Variants in MACROD2 observed in about 807,000 individuals in gnomAD.
MACROD2 encodes mono-ADP ribosylhydrolase 2.
In MACROD2, 36 loss-of-function variants were observed where a neutral mutation model predicts 70.4. The ratio of observed to expected loss-of-function variants is 0.51; its 90% CI spans 0.39 to 0.68. The LOEUF (loss-of-function observed/expected upper bound fraction) is 0.68, where lower values mean the gene tolerates loss of function less well. Among genes scored for constraint, MACROD2 ranks in the 30% least tolerant of loss-of-function variants. MACROD2 has a pLI of 0.00. For missense variants in MACROD2, 496 were observed against 538.4 expected (o/e 0.92, Z 0.78); for synonymous variants, 172 against 178.8 (o/e 0.96, Z 0.30).
intron 8 of MACROD2, among the ~76,000 whole-genome samples, chr20:15,859,170 C>A (rs1413533581): frequency 1.3e-5 from 2 of 151,912 alleles, no homozygotes; most frequent in Non-Finnish European, 2.9e-5. Context: ...AGTGGATCAT[C>A]ATAAAGGTCT....
At chr20:15,629,551 TAATC>T (rs1568939344) in intron 8 of MACROD2, among the ~76,000 whole-genome samples, 1 of 152,240 alleles carries the variant, frequency 6.6e-6, no homozygotes, top group African/African-American at 2.4e-5. Flanking sequence ...TCCTGATATT[TAATC>T]AGTGCTCTTT....
At chr20:14,045,151 C>T (rs993173134) in intron 2 of MACROD2, among the ~76,000 whole-genome samples, 1 of 152,242 alleles carries the variant, frequency 6.6e-6, no homozygotes, top group Non-Finnish European at 1.5e-5. Context: ...CCCCGGTTCC[C>T]GCCTGCGCCT....
intron 6 of MACROD2, among the ~76,000 whole-genome samples, chr20:15,371,392 C>T (rs1568756407): frequency 6.6e-6 from 1 of 152,068 alleles, no homozygotes; most frequent in Non-Finnish European, 1.5e-5. Flanking sequence ...CTGCTTTATC[C>T]AGAATAAGTT....
intron 15 of MACROD2, among the ~76,000 whole-genome samples, chr20:15,993,371 C>A (rs1171101156): frequency 6.6e-6 from 1 of 151,128 alleles, no homozygotes; most frequent in East Asian, 1.9e-4. Flanking sequence ...TTTACTGTAC[C>A]TTTTCTATGT....
chr20:15,409,743 G>A (rs905858942), intron 6 of MACROD2, among the ~76,000 whole-genome samples: 1 of 152,200 alleles, frequency 6.6e-6, no homozygotes, highest in African/African-American at 2.4e-5. Flanking sequence ...TGGACTGCAT[G>A]AGCACATCTA....
At chr20:14,098,798 C>T (rs1027383168) in intron 3 of MACROD2, among the ~76,000 whole-genome samples, 1 of 152,158 alleles carries the variant, frequency 6.6e-6, no homozygotes, top group Non-Finnish European at 1.5e-5. Flanking sequence ...GAAATTTCAT[C>T]TCTACTAGCA....
chr20:14,050,509 T>G (rs969538319), intron 2 of MACROD2, among the ~76,000 whole-genome samples: 3 of 152,088 alleles, frequency 2.0e-5, no homozygotes, highest in Admixed American at 2.0e-4. Context: ...CGGACAGACG[T>G]GTAGATCTAT....
chr20:14,472,870 G>T (rs185951558), intron 3 of MACROD2, among the ~76,000 whole-genome samples: 1 of 152,238 alleles, frequency 6.6e-6, no homozygotes, highest in East Asian at 1.9e-4. Flanking sequence ...TTTTGTGTAT[G>T]TGTGTATGTA....
chr20:14,928,864 T>C (rs921755115), intron 5 of MACROD2, among the ~76,000 whole-genome samples: 2 of 152,216 alleles, frequency 1.3e-5, no homozygotes, highest in Non-Finnish European at 2.9e-5. Context: ...TTTTTATGGC[T>C]AAAAGTACTT....
intron 5 of MACROD2, among the ~76,000 whole-genome samples, chr20:14,950,799 G>C (rs1220965052): frequency 6.6e-6 from 1 of 152,128 alleles, no homozygotes; most frequent in Admixed American, 6.6e-5. Flanking sequence ...TTGTTTTAGG[G>C]AGAATGTTTT....
rs76519563 is a variant in MACROD2 at position 14,863,256 on chromosome 20, C to T, written c.418+178297C>T. Among the ~76,000 whole-genome samples the T allele has an allele frequency of 2.6e-3, 396 of 152,188 alleles. 3 individuals are homozygous for T. Among genetic ancestry groups the T allele is most frequent in the African/African-American group, 8.9e-3 (370 of 41,544 alleles). On this transcript the variant is annotated intron_variant, in intron 5 of 17. Coordinates refer to ENST00000684519, the MANE Select transcript of MACROD2 (RefSeq NM_001351661.2). ...TTGCCAATGCACATATCTGTGGGCT[C>T]ATTGCACAGGCAGCGCTTATATCTA... is the stretch of plus-strand genomic sequence containing the variant.
At chr20:15,692,543 C>T (rs1024580772) in intron 8 of MACROD2, among the ~76,000 whole-genome samples, 1 of 152,104 alleles carries the variant, frequency 6.6e-6, no homozygotes, top group African/African-American at 2.4e-5. Flanking sequence ...GCAGAGGTCC[C>T]AAATGCAGTT....
rs111677439 is a variant in MACROD2 at position 14,583,697 on chromosome 20, G to A, written c.301+90189G>A. 2.1e-3 allele frequency among the ~76,000 whole-genome samples: 318 copies of A among 152,212 alleles called. 1 individual carries two copies. Among genetic ancestry groups the A allele is most frequent in the African/African-American group, 7.3e-3 (303 of 41,526 alleles). On this transcript the variant is annotated intron_variant, in intron 4 of 17. Coordinates refer to ENST00000684519, the MANE Select transcript of MACROD2 (RefSeq NM_001351661.2). Reference sequence around the variant, plus strand: ...ATCTACCTTAGAAGGTTGTTGAAAGGATTAGATATAATTTATATAATGCAT... The same window carrying A: ...ATCTACCTTAGAAGGTTGTTGAAAGAATTAGATATAATTTATATAATGCAT...
chr20:14,472,421 T>A (rs1037230777), intron 3 of MACROD2, among the ~76,000 whole-genome samples: 1 of 152,226 alleles, frequency 6.6e-6, no homozygotes, highest in Non-Finnish European at 1.5e-5. Flanking sequence ...ATATGTTGAA[T>A]GCTTTATATG....
intron 8 of MACROD2, among the ~76,000 whole-genome samples, chr20:15,823,104 G>A (rs1237023919): frequency 6.6e-6 from 1 of 152,028 alleles, no homozygotes; most frequent in Non-Finnish European, 1.5e-5. Context: ...TGTTTGCTTG[G>A]GCATTTTATT....
chr20:15,471,187 C>T (rs2046960487), intron 7 of MACROD2, among the ~76,000 whole-genome samples: 1 of 152,112 alleles, frequency 6.6e-6, no homozygotes, highest in Non-Finnish European at 1.5e-5. Flanking sequence ...GATGACAGGC[C>T]AGCTGTATTT....
chr20:15,126,504 A>G (rs1324587233), intron 5 of MACROD2, among the ~76,000 whole-genome samples: 2 of 152,076 alleles, frequency 1.3e-5, no homozygotes, highest in Non-Finnish European at 2.9e-5. Flanking sequence ...ATTTTTATCA[A>G]AATTATTAAA....
chr20:15,113,731 T>C (rs1427319063), intron 5 of MACROD2, among the ~76,000 whole-genome samples: 1 of 150,644 alleles, frequency 6.6e-6, no homozygotes, highest in Non-Finnish European at 1.5e-5. Flanking sequence ...AACAAAAAAC[T>C]TAAAGATAGG....
chr20:14,713,393 A>G (rs927427198), intron 5 of MACROD2, among the ~76,000 whole-genome samples: 17 of 152,194 alleles, frequency 1.1e-4, no homozygotes, highest in African/African-American at 4.1e-4. Context: ...ATTTGAATAC[A>G]GGCTTTTTGT....
Sources: allele counts gnomAD v4.1 joint callset (sites outside exome capture counted in the v4.1 genomes callset), GRCh38; gene constraint gnomAD v4.1.1; transcripts MANE v1.5; gene names NCBI Gene and HGNC (gene_info 2026-07-23, HGNC 2026-07-21).